CCDC90B: variants seen among roughly 807,000 people sequenced by gnomAD.
CCDC90B encodes coiled-coil domain-containing protein 90B, mitochondrial.
A neutral mutation model predicts 37.0 loss-of-function variants in CCDC90B; 24 were observed. The observed-to-expected ratio is 0.65, with a 90% confidence interval of 0.47 to 0.91. CCDC90B has a LOEUF of 0.91. CCDC90B is among the 40% of genes least tolerant of loss of function. The pLI is 0.00. For synonymous variants in CCDC90B, 113 were observed against 101.1 expected (o/e 1.12, Z -0.71); for missense variants, 319 against 299.0 (o/e 1.07, Z -0.49).
intron 1 of CCDC90B, chr11:83,285,376 A>G: frequency 1.7e-6 from 2 of 1,170,856 alleles, no homozygotes; most frequent in Non-Finnish European, 2.1e-6. Flanking sequence ...TTATTTTCCC[A>G]AAGTCTACAA....
Position 83,264,987 on chromosome 11 carries a change from T to A in CCDC90B, c.709+878A>T, listed in dbSNP as rs987913032. On this transcript the variant is annotated intron_variant, in intron 8 of 8. Coordinates refer to ENST00000529689, the MANE Select transcript of CCDC90B (RefSeq NM_021825.5). ...GTGGGGGGAGGGGGGAGGGATAGCA[T>A]TGGGAGATATACCTAATGCTAAATG... Among the ~76,000 whole-genome samples the A allele has an allele frequency of 4.1e-5, 6 of 147,258 alleles. No homozygotes were observed. The East Asian group carries it at 1.0e-3, about 26-fold the overall frequency.
At chr11:83,262,185 A>C (rs1863967570) in intron 8 of CCDC90B, among the ~76,000 whole-genome samples, 1 of 152,174 alleles carries the variant, frequency 6.6e-6, no homozygotes, top group African/African-American at 2.4e-5. Flanking sequence ...ATTAAAATGT[A>C]AATTATGTCA....
intron 7 of CCDC90B, among the ~76,000 whole-genome samples, chr11:83,272,169 C>T (rs778693960): frequency 6.6e-6 from 1 of 152,122 alleles, no homozygotes; most frequent in Non-Finnish European, 1.5e-5. Flanking sequence ...TTGATGGGTG[C>T]AGCAAACCAA....
chr11:83,275,261 A>G (rs138425410), intron 3 of CCDC90B, among the ~76,000 whole-genome samples: 1,889 of 152,268 alleles, frequency 0.012, 39 homozygotes, highest in African/African-American at 0.043. Flanking sequence ...ACTACAAAGA[A>G]TATGTGAAAG....
chr11:83,285,078 G>T, intron 1 of CCDC90B: 1 of 1,079,146 alleles, frequency 9.3e-7, no homozygotes, highest in Non-Finnish European at 1.2e-6. Context: ...ACAATATGGA[G>T]TATAAATAAC....
intron 8 of CCDC90B, 93 bp downstream of exon 8, chr11:83,265,771 TC>T (rs1290391446): frequency 1.4e-6 from 1 of 717,854 alleles, no homozygotes. Flanking sequence ...GTTATCTAGC[TC>T]CTCCTTTTTT....
At chr11:83,274,871 A>ATC in intron 3 of CCDC90B, 131 bp from the exon 4 acceptor site, 1 of 535,320 alleles carries the variant, frequency 1.9e-6, no homozygotes, top group South Asian at 2.4e-5. Context: ...TTAAGTAAAT[A>ATC]TGAAACCTAC....
At position 83,285,870 on chromosome 11, in the gene CCDC90B, C is replaced by A. The variant is rs368059580; in HGVS notation, c.100+3G>T. Reference sequence around the variant, plus strand: ...GCATCTATGACACGACGCCTTGCCTCACCTCTCCGCAGGGCCGGCGAGAAA... The same window carrying A: ...GCATCTATGACACGACGCCTTGCCTAACCTCTCCGCAGGGCCGGCGAGAAA... On this transcript the variant is annotated splice_donor_region_variant and intron_variant, in intron 1 of 8. Transcript: ENST00000529689. The A allele has an allele frequency of 7.1e-4, 1,139 of 1,610,822 alleles. 2 individuals are homozygous for A. The highest frequency in any genetic ancestry group is 9.3e-4 in the Non-Finnish European group (1,099 of 1,179,304).
At chr11:83,284,195 C>CA (rs1411436064) in intron 1 of CCDC90B, among the ~76,000 whole-genome samples, 4 of 152,158 alleles carry the variant, frequency 2.6e-5, no homozygotes, top group African/African-American at 9.7e-5. Context: ...TAGCGAGATA[C>CA]AAACTCAAGA....
At chr11:83,283,480 T>C (rs756176723) in intron 1 of CCDC90B, among the ~76,000 whole-genome samples, 1 of 152,198 alleles carries the variant, frequency 6.6e-6, no homozygotes, top group African/African-American at 2.4e-5. Flanking sequence ...AATATTCACA[T>C]AATATTTTGC....
At chr11:83,263,985 G>A (rs1864088901) in intron 8 of CCDC90B, among the ~76,000 whole-genome samples, 1 of 152,096 alleles carries the variant, frequency 6.6e-6, no homozygotes, top group African/African-American at 2.4e-5. Context: ...CTTTTAGACA[G>A]CAATTTGTTA....
chr11:83,263,635 G>A lies in CCDC90B; in HGVS notation c.710-1669C>T, dbSNP rs142000979. Among the ~76,000 whole-genome samples the A allele has an allele frequency of 2.8e-3, 429 of 152,294 alleles. 3 individuals are homozygous for A. The highest frequency in any genetic ancestry group is 9.5e-3 in the African/African-American group (396 of 41,548). Reference sequence around the variant, plus strand: ...GCAGTGTTCTGGGTCAAAAGGTGGCGTCTGACCCACGATGAACCATTCAGA... The same window carrying A: ...GCAGTGTTCTGGGTCAAAAGGTGGCATCTGACCCACGATGAACCATTCAGA... On this transcript the variant is annotated intron_variant, in intron 8 of 8. Coordinates refer to ENST00000529689, the MANE Select transcript of CCDC90B (RefSeq NM_021825.5).
At chr11:83,263,673 G>T (rs923678238) in intron 8 of CCDC90B, among the ~76,000 whole-genome samples, 1 of 152,182 alleles carries the variant, frequency 6.6e-6, no homozygotes, top group Non-Finnish European at 1.5e-5. Context: ...CCTTTCTGAG[G>T]ATTTTAAAAA....
chr11:83,282,220 T>G (rs1865426069), intron 1 of CCDC90B, among the ~76,000 whole-genome samples: 1 of 152,256 alleles, frequency 6.6e-6, no homozygotes, highest in Non-Finnish European at 1.5e-5. Context: ...AATGGCTAAC[T>G]GGGAGCTGCG....
intron 7 of CCDC90B, among the ~76,000 whole-genome samples, chr11:83,269,327 G>A (rs989835071): frequency 2.0e-5 from 3 of 151,946 alleles, no homozygotes; most frequent in Admixed American, 6.6e-5. Flanking sequence ...AAAGAGATAA[G>A]AGACACAACA....
At chr11:83,266,881 T>TGCA (rs1304144724) in intron 7 of CCDC90B, 1 of 152,580 alleles carries the variant, frequency 6.6e-6, no homozygotes, top group Admixed American at 6.5e-5. Context: ...TATAGGCGGC[T>TGCA]GCACCTCTGG....
At chr11:83,284,881 C>T (rs868204329) in intron 1 of CCDC90B, among the ~76,000 whole-genome samples, 1 of 152,184 alleles carries the variant, frequency 6.6e-6, no homozygotes, top group African/African-American at 2.4e-5. Flanking sequence ...AGTGCTACCT[C>T]CTTTTTGTAA....
At chr11:83,280,284 C>G in intron 1 of CCDC90B, 24 bp from the exon 2 acceptor site, 1 of 1,604,412 alleles carries the variant, frequency 6.2e-7, no homozygotes, top group Non-Finnish European at 8.5e-7. Context: ...CAATTTTTTT[C>G]TTTTGTAGTA....
At chr11:83,285,500 C>T in intron 1 of CCDC90B, 1 of 1,123,994 alleles carries the variant, frequency 8.9e-7, no homozygotes, top group Non-Finnish European at 1.1e-6. Flanking sequence ...AAAACAAAAT[C>T]AAAATTTGAT....
Sources: allele counts gnomAD v4.1 joint callset (sites outside exome capture counted in the v4.1 genomes callset), GRCh38; gene constraint gnomAD v4.1.1; transcripts MANE v1.5; gene names NCBI Gene and HGNC (gene_info 2026-07-23, HGNC 2026-07-21).